Variants in PIK3CD observed in about 807,000 individuals in gnomAD.
PIK3CD encodes phosphatidylinositol-4,5-bisphosphate 3-kinase catalytic subunit delta.
A neutral mutation model predicts 122.9 loss-of-function variants in PIK3CD; 20 were observed. That is an observed-to-expected ratio of 0.16 (90% CI 0.11 to 0.24). The LOEUF is 0.24. Ranked by LOEUF, PIK3CD falls within the 10% of genes least tolerant of loss-of-function variation. PIK3CD has a pLI of 1.00. For missense variants in PIK3CD, 787 were observed against 1,406.3 expected (o/e 0.56, Z 7.04); for synonymous variants, 596 against 593.4 (o/e 1.00, Z -0.06).
intron 1 of PIK3CD, among the ~76,000 whole-genome samples, chr1:9,658,642 G>A (rs901662139): frequency 1.3e-5 from 2 of 148,336 alleles, no homozygotes; most frequent in African/African-American, 5.0e-5. Flanking sequence ...AGATTCTCCT[G>A]CCTCAGCCTC....
chr1:9,643,195 G>T, the PIK3CD span, among the ~76,000 whole-genome samples: 12 of 152,152 alleles, frequency 7.9e-5, no homozygotes, highest in African/African-American at 2.6e-4. Flanking sequence ...GATCACCGGA[G>T]GTCGGGAGTT....
intron 1 of PIK3CD, among the ~76,000 whole-genome samples, chr1:9,655,454 C>A (rs552727428): frequency 9.8e-5 from 13 of 133,084 alleles, no homozygotes; most frequent in Admixed American, 3.7e-4. Context: ...CCGCCCCCCC[C>A]CCTTTTTTAT....
At chr1:9,725,607 G>A (rs750400897) in intron 23 of PIK3CD, among the ~76,000 whole-genome samples, 88 of 151,898 alleles carry the variant, frequency 5.8e-4, no homozygotes, top group Admixed American at 1.6e-3. Flanking sequence ...GGCCGGGTGC[G>A]GTGGCTCACG....
At chr1:9,653,535 G>A (rs916727654) in intron 1 of PIK3CD, 1 of 301,194 alleles carries the variant, frequency 3.3e-6, no homozygotes, top group African/African-American at 2.2e-5. Context: ...CTCTTGGGGG[G>A]GATTTGGAGG....
At chr1:9,661,655 G>A (rs1325188645) in intron 1 of PIK3CD, among the ~76,000 whole-genome samples, 1 of 151,874 alleles carries the variant, frequency 6.6e-6, no homozygotes, top group Non-Finnish European at 1.5e-5. Flanking sequence ...AGGATCAGGA[G>A]TTTGAGACCA....
At chr1:9,656,759 A>G (rs746410331) in intron 1 of PIK3CD, among the ~76,000 whole-genome samples, 1 of 152,116 alleles carries the variant, frequency 6.6e-6, no homozygotes, top group African/African-American at 2.4e-5. Flanking sequence ...CCTGGCCAAC[A>G]TGGTGAAGCC....
chr1:9,635,529 TC>T, the PIK3CD span, among the ~76,000 whole-genome samples: 3 of 152,252 alleles, frequency 2.0e-5, no homozygotes, highest in Admixed American at 6.6e-5. Context: ...TGATTCCAAT[TC>T]CATATTCCCA....
At chr1:9,698,630 A>G (rs999881470) in intron 2 of PIK3CD, among the ~76,000 whole-genome samples, 2 of 152,360 alleles carry the variant, frequency 1.3e-5, no homozygotes, top group South Asian at 2.1e-4. Context: ...ACAATACCAC[A>G]TTGAATATCT....
chr1:9,654,626 A>G (rs1385424265), intron 1 of PIK3CD: 5 of 365,004 alleles, frequency 1.4e-5, no homozygotes, highest in Admixed American at 3.8e-5. Flanking sequence ...GGATGAAGCA[A>G]TTCCCCTTTG....
rs34570604 is a variant in PIK3CD at position 9,727,808 on chromosome 1, C to CT, written c.*776dup. The CT allele has an allele frequency of 0.02, 3,464 of 169,298 alleles. 13 individuals carry two copies. The highest frequency in any genetic ancestry group is 0.052 in the Middle Eastern group (24 of 464). The allele number at this position is 169,298 out of a possible 1,614,324, so 10.5% of individuals were successfully genotyped here. A position where few individuals can be genotyped will look rare whatever the true frequency, so the allele number is the denominator to read the frequency against. On this transcript the variant is annotated 3_prime_UTR_variant, in exon 24 of 24. Transcript: ENST00000377346. ...AATACTCTGCCATTATCTCAAAAATCTTTTTTTTTTTTTTGAGATGGGGTC... is the reference window on the plus strand; with the variant it reads ...AATACTCTGCCATTATCTCAAAAATCTTTTTTTTTTTTTTTGAGATGGGGTC...
intron 1 of PIK3CD, among the ~76,000 whole-genome samples, chr1:9,687,917 G>T (rs1570235443): frequency 6.6e-6 from 1 of 150,980 alleles, no homozygotes; most frequent in Non-Finnish European, 1.5e-5. Context: ...TCTCCTCCTT[G>T]GGGGGTGCTC....
intron 2 of PIK3CD, among the ~76,000 whole-genome samples, chr1:9,707,073 A>T (rs1016323173): frequency 1.3e-5 from 2 of 149,670 alleles, no homozygotes; most frequent in South Asian, 4.2e-4. Context: ...TTGGCCTCCT[A>T]AAGCACTGGG....
At chr1:9,631,917 C>G in the PIK3CD span, among the ~76,000 whole-genome samples, 94,585 of 152,036 alleles carry the variant, frequency 0.62, 32,697 homozygotes, top group Non-Finnish European at 0.79. Flanking sequence ...CTGTTGCATC[C>G]AGGGCTCTAT....
Position 9,721,115 on chromosome 1 carries a change from G to A in PIK3CD, c.1690-12G>A, listed in dbSNP as rs767850407. 7 of 1,608,404 alleles carry A rather than the reference G, an allele frequency of 4.4e-6. No homozygotes were observed. Among genetic ancestry groups the A allele is most frequent in the East Asian group, 2.2e-5 (1 of 44,834 alleles). Reference sequence around the variant, plus strand: ...CCCGGCCGCCCCCAAGCCTGACCTCGGCTCCCCCCAGATGCTCTACCTGCT... The same window carrying A: ...CCCGGCCGCCCCCAAGCCTGACCTCAGCTCCCCCCAGATGCTCTACCTGCT... On this transcript the variant is annotated splice_polypyrimidine_tract_variant and intron_variant, in intron 13 of 23. Coordinates refer to ENST00000377346, the MANE Select transcript of PIK3CD (RefSeq NM_005026.5).
chr1:9,644,868 T>C, the PIK3CD span, among the ~76,000 whole-genome samples: 8 of 152,106 alleles, frequency 5.3e-5, no homozygotes, highest in East Asian at 1.3e-3. Context: ...GGAAATACTT[T>C]GGCCCCATTT....
intron 2 of PIK3CD, among the ~76,000 whole-genome samples, chr1:9,705,048 A>G (rs1336127961): frequency 6.6e-6 from 1 of 152,218 alleles, no homozygotes; most frequent in Non-Finnish European, 1.5e-5. Flanking sequence ...ATTTCTTTTC[A>G]ACTGTTTTTA....
At chr1:9,649,271 C>A (rs2100654004), upstream of PIK3CD, among the ~76,000 whole-genome samples, 1 of 151,942 alleles carries the variant, frequency 6.6e-6, no homozygotes, top group South Asian at 2.1e-4. Flanking sequence ...CACTCCATCA[C>A]CCAGGCTGGA....
chr1:9,719,065 C>A lies in PIK3CD; in HGVS notation c.1242+150C>A. On this transcript the variant is annotated intron_variant, in intron 9 of 23. Transcript: ENST00000377346. This position sits in a 1 kb window ranked among gnomAD's most constrained non-coding sequence, Gnocchi z 5.5. ...TGTGGACCCCAGCCTCCTCACCCACCCTAGTCTGGCCACCAGCCCTGCTCG... is the reference window on the plus strand; with the variant it reads ...TGTGGACCCCAGCCTCCTCACCCACACTAGTCTGGCCACCAGCCCTGCTCG... 1.3e-6 allele frequency: 1 copy of A among 743,434 alleles called. No individual in the cohort carries two copies. Among genetic ancestry groups the A allele is most frequent in the Non-Finnish European group, 2.3e-6 (1 of 438,220 alleles). The allele number at this position is 743,434 out of a possible 1,614,324, so 46.1% of individuals were successfully genotyped here.
intron 23 of PIK3CD, among the ~76,000 whole-genome samples, chr1:9,725,640 G>T (rs756226803): frequency 6.6e-6 from 1 of 151,538 alleles, no homozygotes; most frequent in Non-Finnish European, 1.5e-5. Context: ...GCACTTTGGG[G>T]GGCTGAGGTG....
Sources: allele counts gnomAD v4.1 joint callset (sites outside exome capture counted in the v4.1 genomes callset), GRCh38; gene constraint gnomAD v4.1.1; non-coding constraint Gnocchi (gnomAD v3.1); transcripts MANE v1.5; gene names NCBI Gene and HGNC (gene_info 2026-07-23, HGNC 2026-07-21).